Variants in GALNT1 observed in about 807,000 individuals in gnomAD.
GALNT1 encodes GalNAc transferase 1.
Under a neutral mutation model 65.7 loss-of-function variants are expected in GALNT1, and 17 were observed. The observed-to-expected ratio is 0.26, with a 90% CI of 0.18 to 0.39. The LOEUF (loss-of-function observed/expected upper bound fraction) is 0.39, where lower values mean the gene tolerates loss of function less well. Ranked by LOEUF, GALNT1 falls within the 10% of genes least tolerant of loss-of-function variation. GALNT1 has a pLI of 1.00. For missense variants in GALNT1, 460 were observed against 672.8 expected, an observed-to-expected ratio of 0.68 and a Z score of 3.50; for synonymous variants, 210 against 219.7, an observed-to-expected ratio of 0.96 and a Z score of 0.39.
intron 1 of GALNT1, among the ~76,000 whole-genome samples, chr18:35,608,307 G>T (rs1010060837): frequency 3.9e-5 from 6 of 151,968 alleles, no homozygotes; most frequent in African/African-American, 1.5e-4. Flanking sequence ...CTTTTACTTT[G>T]CATGCTTATT....
At chr18:35,619,101 T>C (rs2046820267) in intron 1 of GALNT1, among the ~76,000 whole-genome samples, 1 of 152,236 alleles carries the variant, frequency 6.6e-6, no homozygotes. Context: ...TATGGTTGTT[T>C]TGCAGTGTGT....
chr18:35,682,056 TCTC>T (rs2047794743), intron 4 of GALNT1, among the ~76,000 whole-genome samples: 1 of 152,182 alleles, frequency 6.6e-6, no homozygotes, highest in South Asian at 2.1e-4. Context: ...ATGTTGCTCT[TCTC>T]TGGGATTGGC....
intron 1 of GALNT1, among the ~76,000 whole-genome samples, chr18:35,593,984 A>G (rs570025503): frequency 2.0e-5 from 3 of 151,222 alleles, no homozygotes; most frequent in African/African-American, 7.3e-5. Flanking sequence ...TGTTGGGATT[A>G]CAGGAGTGAG....
intron 6 of GALNT1, 141 bp from the exon 7 acceptor site, chr18:35,689,032 G>A (rs566359552): frequency 1.5e-6 from 1 of 656,912 alleles, no homozygotes; most frequent in African/African-American, 1.8e-5. Flanking sequence ...GAAAGCCCCT[G>A]GGGCGTATGA....
intron 11 of GALNT1, among the ~76,000 whole-genome samples, chr18:35,706,373 G>A (rs1225153396): frequency 6.6e-6 from 1 of 152,044 alleles, no homozygotes; most frequent in East Asian, 1.9e-4. Flanking sequence ...ATGGTGGCAG[G>A]CACCTGTAGT....
intron 1 of GALNT1, among the ~76,000 whole-genome samples, chr18:35,640,482 G>GA (rs2047147131): frequency 6.6e-6 from 1 of 152,136 alleles, no homozygotes. Flanking sequence ...TATTTTTATA[G>GA]ATTTAAAGAT....
chr18:35,645,032 C>T (rs990846658), intron 1 of GALNT1, among the ~76,000 whole-genome samples: 4 of 151,642 alleles, frequency 2.6e-5, no homozygotes. Context: ...ATAAATAAAT[C>T]CATTCCCCAA....
At chr18:35,613,790 T>G (rs955766247) in intron 1 of GALNT1, among the ~76,000 whole-genome samples, 1 of 151,878 alleles carries the variant, frequency 6.6e-6, no homozygotes, top group African/African-American at 2.4e-5. Context: ...ACTGGAAGGG[T>G]AAAATAACCT....
At chr18:35,633,537 T>G (rs915172306) in intron 1 of GALNT1, among the ~76,000 whole-genome samples, 2 of 111,560 alleles carry the variant, frequency 1.8e-5, no homozygotes, top group Admixed American at 1.0e-4. Context: ...CACACTGGGG[T>G]CTGTTGTGGG....
At chr18:35,599,858 G>A (rs117932409) in intron 1 of GALNT1, among the ~76,000 whole-genome samples, 1 of 152,196 alleles carries the variant, frequency 6.6e-6, no homozygotes, top group Non-Finnish European at 1.5e-5. Context: ...TTCTATCTGG[G>A]TTCTGTATTC....
chr18:35,653,652 G>T (rs897234638), intron 1 of GALNT1, among the ~76,000 whole-genome samples: 6 of 152,136 alleles, frequency 3.9e-5, no homozygotes, highest in African/African-American at 1.4e-4. Context: ...CCTCTCTGAG[G>T]TCTCTCAGGC....
intron 1 of GALNT1, chr18:35,591,861 C>T (rs922777332): frequency 1.3e-5 from 2 of 154,234 alleles, no homozygotes; most frequent in African/African-American, 2.4e-5. Flanking sequence ...CAGATGGTCT[C>T]GTCAATGGGT....
chr18:35,621,059 C>T (rs1466199462), intron 1 of GALNT1, among the ~76,000 whole-genome samples: 2 of 152,044 alleles, frequency 1.3e-5, no homozygotes, highest in African/African-American at 4.8e-5. Context: ...CTGAGTACTA[C>T]GGAGATTGAG....
intron 4 of GALNT1, among the ~76,000 whole-genome samples, chr18:35,678,167 A>AC (rs1328128661): frequency 6.6e-6 from 1 of 152,224 alleles, no homozygotes; most frequent in African/African-American, 2.4e-5. Context: ...AATATCTCTG[A>AC]CAGCAAAATG....
At chr18:35,619,371 A>G (rs1708371631) in intron 1 of GALNT1, among the ~76,000 whole-genome samples, 1 of 152,198 alleles carries the variant, frequency 6.6e-6, no homozygotes, top group Admixed American at 6.5e-5. Context: ...TGTATTAAGG[A>G]AAGCAATTCT....
chr18:35,645,216 A>ATTTTTTTTTTTTTTTTTTTTTTTTTTT, intron 1 of GALNT1, among the ~76,000 whole-genome samples: 1 of 121,098 alleles, frequency 8.3e-6, no homozygotes, highest in African/African-American at 3.1e-5. Flanking sequence ...GCTATTTTGA[A>ATTTTTTTTTTTTTTTTTTTTTTTTTTT]TGTTTTTTTT....
intron 2 of GALNT1, among the ~76,000 whole-genome samples, chr18:35,660,237 G>GCTTTAT (rs58290850): frequency 0.62 from 94,217 of 151,712 alleles, 29,716 homozygotes; most frequent in Middle Eastern, 0.72. Flanking sequence ...TATAACTTTA[G>GCTTTAT]TCTACTTTCC....
intron 9 of GALNT1, among the ~76,000 whole-genome samples, chr18:35,695,917 G>T (rs1464382829): frequency 1.3e-5 from 2 of 151,744 alleles, no homozygotes; most frequent in East Asian, 3.9e-4. Context: ...TGTTTTTTTT[G>T]AGCTGACCCA....
chr18:35,647,530 T>C (rs2047247047), intron 1 of GALNT1, among the ~76,000 whole-genome samples: 1 of 152,234 alleles, frequency 6.6e-6, no homozygotes, highest in African/African-American at 2.4e-5. Flanking sequence ...TTATTTGTAT[T>C]GGAGGATAAC....
Sources: allele counts gnomAD v4.1 joint callset (sites outside exome capture counted in the v4.1 genomes callset), GRCh38; gene constraint gnomAD v4.1.1; transcripts MANE v1.5; gene names NCBI Gene and HGNC (gene_info 2026-07-23, HGNC 2026-07-21).